The following CACNB4 variants were observed in gnomAD, a reference collection of about 807,000 sequenced individuals.
CACNB4 encodes the protein calcium voltage-gated channel auxiliary subunit beta 4.
CACNB4 carries 32 observed loss-of-function variants against 71.2 expected under a neutral mutation model. The observed-to-expected ratio is 0.45, with a 90% CI of 0.34 to 0.60. The LOEUF (loss-of-function observed/expected upper bound fraction) is 0.60, where lower values mean the gene tolerates loss of function less well. Among genes scored for constraint, CACNB4 ranks in the 20% least tolerant of loss-of-function variants. The pLI is 0.01. For synonymous variants in CACNB4, 231 were observed against 236.9 expected (o/e 0.97, Z 0.23); for missense variants, 464 against 647.9 (o/e 0.72, Z 3.08).
At chr2:151,870,008 A>G (rs1394039305) in intron 8 of CACNB4, 2 of 546,698 alleles carry the variant, frequency 3.7e-6, no homozygotes, top group Non-Finnish European at 6.4e-6. Context: ...GTTTTGTTTA[A>G]TCTCCAAAGT....
intron 2 of CACNB4, among the ~76,000 whole-genome samples, chr2:152,035,651 C>CTCTCTCTCTCTCTCTCTCTCTCTA (rs796161186): frequency 1.2e-4 from 14 of 118,076 alleles, no homozygotes; most frequent in African/African-American, 4.0e-4. Flanking sequence ...CTCTCTCTCT[C>CTCTCTCTCTCTCTCTCTCTCTCTA]TATATATATA....
In CACNB4 at chr2:151,837,907, A is replaced by G. The variant is rs1289727276; in HGVS notation, c.*1212T>C. On this transcript the variant is annotated 3_prime_UTR_variant, in exon 14 of 14. Transcript: ENST00000539935. Reference sequence around the variant, plus strand: ...TTTTTTACTGCAAGCTTTTAAAATCATTTGTTTCAACTTTTTTCAATTAGT... The same window carrying G: ...TTTTTTACTGCAAGCTTTTAAAATCGTTTGTTTCAACTTTTTTCAATTAGT... The G allele has an allele frequency of 6.6e-6, 1 of 152,174 alleles. No individual in the cohort carries two copies. The highest frequency in any genetic ancestry group is 2.4e-5 in the African/African-American group (1 of 41,456). The allele number at this position is 152,174 out of a possible 1,614,324, so 9.4% of individuals were successfully genotyped here. A position where few individuals can be genotyped will look rare whatever the true frequency, so the allele number is the denominator to read the frequency against.
intron 2 of CACNB4, among the ~76,000 whole-genome samples, chr2:151,991,303 A>G (rs1681690591): frequency 6.6e-6 from 1 of 152,210 alleles, no homozygotes; most frequent in Non-Finnish European, 1.5e-5. Context: ...CTTATTAATC[A>G]ATAACATTTA....
intron 2 of CACNB4, among the ~76,000 whole-genome samples, chr2:152,084,366 T>G (rs146473175): frequency 1.3e-3 from 201 of 152,308 alleles, no homozygotes; most frequent in Non-Finnish European, 2.3e-3. Context: ...AGGAAGAAGC[T>G]GTGTTCTCAC....
intron 2 of CACNB4, among the ~76,000 whole-genome samples, chr2:151,934,228 A>T (rs924347790): frequency 6.6e-6 from 1 of 152,244 alleles, no homozygotes; most frequent in Non-Finnish European, 1.5e-5. Context: ...TTTCTATGTC[A>T]TGTAAACTTT....
intron 2 of CACNB4, chr2:151,970,248 G>C: frequency 6.6e-6 from 1 of 152,142 alleles, no homozygotes; most frequent in East Asian, 1.9e-4. Flanking sequence ...TGACAGAATA[G>C]GGTGCAACAC....
chr2:151,973,772 CACAGCT>C, intron 2 of CACNB4: 1 of 1,590,042 alleles, frequency 6.3e-7, no homozygotes, highest in Non-Finnish European at 8.6e-7. Flanking sequence ...CTGCAGAAAC[CACAGCT>C]ACAGCTTAAA....
chr2:151,920,974 TA>T (rs2099858840), intron 2 of CACNB4, among the ~76,000 whole-genome samples: 2 of 151,738 alleles, frequency 1.3e-5, no homozygotes, highest in South Asian at 4.2e-4. Flanking sequence ...CCGTCTCTAC[TA>T]AAAATACAAA....
At chr2:152,044,646 T>C (rs1685054433) in intron 2 of CACNB4, among the ~76,000 whole-genome samples, 1 of 152,188 alleles carries the variant, frequency 6.6e-6, no homozygotes, top group Non-Finnish European at 1.5e-5. Context: ...AAAGGCCACA[T>C]ACAAATAAAA....
chr2:151,907,902 G>A (rs2099855197), intron 2 of CACNB4, among the ~76,000 whole-genome samples: 1 of 152,198 alleles, frequency 6.6e-6, no homozygotes, highest in African/African-American at 2.4e-5. Flanking sequence ...AAAAGAAACT[G>A]AGGTAGAGTA....
At chr2:151,950,948 A>AT (rs1553788688) in intron 2 of CACNB4, among the ~76,000 whole-genome samples, 2 of 152,064 alleles carry the variant, frequency 1.3e-5, no homozygotes, top group Non-Finnish European at 2.9e-5. Context: ...TTATTTATTT[A>AT]TTTTTTTGAG....
chr2:152,098,583 C>A lies in CACNB4; in HGVS notation c.64-170G>T. 1 of 1,018,182 alleles carries A rather than the reference C, an allele frequency of 9.8e-7. No homozygotes were observed. Among genetic ancestry groups the A allele is most frequent in the Non-Finnish European group, 1.5e-6 (1 of 659,024 alleles). The allele number at this position is 1,018,182 out of a possible 1,614,324, so 63.1% of individuals were successfully genotyped here. A position where few individuals can be genotyped will look rare whatever the true frequency, so the allele number is the denominator to read the frequency against. ...AATACAGCCCCCACCCCCACCCACC[C>A]ACTGCAAGCCTCGACTGCTGAAAAG... On this transcript the variant is annotated intron_variant, in intron 1 of 13. Coordinates refer to ENST00000539935, the MANE Select transcript of CACNB4 (RefSeq NM_000726.5). The surrounding 1 kb of genome is among the most constrained non-coding windows in gnomAD (Gnocchi z 5.3).
At chr2:151,927,177 T>C (rs1432970062) in intron 2 of CACNB4, among the ~76,000 whole-genome samples, 1 of 152,152 alleles carries the variant, frequency 6.6e-6, no homozygotes, top group African/African-American at 2.4e-5. Context: ...GAAAGAAACA[T>C]CCACAGAGGA....
intron 2 of CACNB4, among the ~76,000 whole-genome samples, chr2:152,001,244 T>G (rs962684574): frequency 3.3e-5 from 5 of 151,962 alleles, no homozygotes; most frequent in African/African-American, 1.2e-4. Flanking sequence ...GGCCAAAGGC[T>G]GAGTGCCAAG....
chr2:151,968,144 G>T (rs1519711), intron 2 of CACNB4: 1 of 152,154 alleles, frequency 6.6e-6, no homozygotes, highest in African/African-American at 2.4e-5. Flanking sequence ...AGCTCCTTTA[G>T]GTTTTACACA....
At chr2:152,073,932 G>T (rs1686845982) in intron 2 of CACNB4, among the ~76,000 whole-genome samples, 1 of 152,200 alleles carries the variant, frequency 6.6e-6, no homozygotes, top group African/African-American at 2.4e-5. Flanking sequence ...GACTGTAAGA[G>T]GCAGGGGATA....
At chr2:152,010,667 AC>A (rs1361274287) in intron 2 of CACNB4, among the ~76,000 whole-genome samples, 5 of 152,158 alleles carry the variant, frequency 3.3e-5, no homozygotes, top group Admixed American at 2.6e-4. Flanking sequence ...TGCATGGGTC[AC>A]TCTGCTAGCA....
intron 2 of CACNB4, among the ~76,000 whole-genome samples, chr2:152,079,729 T>C (rs1347131791): frequency 7.2e-5 from 11 of 152,044 alleles, no homozygotes; most frequent in Admixed American, 7.2e-4. Context: ...AAGGCCGCAA[T>C]GGGCGGTGAT....
At chr2:152,056,755 TA>T (rs1685751019) in intron 2 of CACNB4, among the ~76,000 whole-genome samples, 1 of 152,204 alleles carries the variant, frequency 6.6e-6, no homozygotes, top group African/African-American at 2.4e-5. Context: ...GTGGAAAATT[TA>T]GTACCCATTC....
Sources: allele counts gnomAD v4.1 joint callset (sites outside exome capture counted in the v4.1 genomes callset), GRCh38; gene constraint gnomAD v4.1.1; non-coding constraint Gnocchi (gnomAD v3.1); transcripts MANE v1.5; gene names NCBI Gene and HGNC (gene_info 2026-07-23, HGNC 2026-07-21).